Variants in BEAN1 observed in about 807,000 individuals in gnomAD.
BEAN1 encodes the protein brain expressed associated with NEDD4 1.
BEAN1 carries 17 observed loss-of-function variants against 17.7 expected under a neutral mutation model. The observed-to-expected ratio is 0.96, with a 90% CI of 0.66 to 1.44. The LOEUF is 1.44. Among genes scored for constraint, BEAN1 ranks in the 40% most tolerant of loss-of-function variants. The pLI, the probability that BEAN1 is intolerant of heterozygous loss-of-function variation, is 0.00. For missense variants in BEAN1, 359 were observed against 374.1 expected, an observed-to-expected ratio of 0.96 and a Z score of 0.33; for synonymous variants, 142 against 151.8, an observed-to-expected ratio of 0.94 and a Z score of 0.47.
Position 66,477,564 on chromosome 16 carries a change from G to A in BEAN1, c.294G>A (p.Ser98=), listed in dbSNP as rs912067425. 22 of 1,541,920 alleles carry A rather than the reference G, an allele frequency of 1.4e-5. No homozygotes were observed. Among genetic ancestry groups the A allele is most frequent in the African/African-American group, 5.5e-5 (4 of 72,902 alleles). ...RHREYEHGYV[S]DEHTYSRSSR... is the part of the protein sequence containing the mutation. Reference sequence around the variant, plus strand: ...CCGGTGGTCTGTTCCCTGCAGTGTCGGACGAGCACACATACAGCCGCTCAA... The same window carrying A: ...CCGGTGGTCTGTTCCCTGCAGTGTCAGACGAGCACACATACAGCCGCTCAA... The change falls in exon 4 of 5, where the codon TCG becomes TCA. Residue 98 remains serine (S), a synonymous_variant. Coordinates refer to ENST00000536005, the MANE Select transcript of BEAN1 (RefSeq NM_001178020.3).
chr16:66,464,341 A>AT (rs369026974), intron 2 of BEAN1, among the ~76,000 whole-genome samples: 288 of 146,448 alleles, frequency 2.0e-3, no homozygotes, highest in African/African-American at 5.9e-3. Flanking sequence ...TAAGTTTTGT[A>AT]TTTTTTTTTT....
chr16:66,469,549 A>AG, intron 2 of BEAN1, 53 bp from the exon 3 acceptor site: 1 of 1,476,730 alleles, frequency 6.8e-7, no homozygotes, highest in South Asian at 1.3e-5. Flanking sequence ...CAGAGAAGGA[A>AG]GGGGTGTGGC....
At chr16:66,488,537 A>AC (rs1964121456) in intron 4 of BEAN1, among the ~76,000 whole-genome samples, 1 of 148,742 alleles carries the variant, frequency 6.7e-6, no homozygotes, top group Non-Finnish European at 1.5e-5. Flanking sequence ...AAAAAAAAAA[A>AC]AAACTGTTTT....
downstream of BEAN1, among the ~76,000 whole-genome samples, chr16:66,494,178 G>A (rs1964216274): frequency 6.6e-6 from 1 of 152,226 alleles, no homozygotes; most frequent in African/African-American, 2.4e-5. Flanking sequence ...CCACCAGGAG[G>A]TGACTGCTGG....
chr16:66,492,870 G>A lies in BEAN1; in HGVS notation c.148-92G>A, dbSNP rs140716258. 250 of 617,442 alleles carry A rather than the reference G, an allele frequency of 4.0e-4. 1 individual carries two copies. The highest frequency in any genetic ancestry group is 3.8e-3 in the African/African-American group (206 of 54,450). The allele number at this position is 617,442 out of a possible 1,614,324, so 38.2% of individuals were successfully genotyped here. On this transcript the variant is annotated intron_variant, in intron 4 of 4. Transcript: ENST00000561796. Reference sequence around the variant, plus strand: ...TTCTCAGGAGCCCCTGGTGTCCCTCGGCACCAGCCCTTGGTCCTGCCTGGC... The same window carrying A: ...TTCTCAGGAGCCCCTGGTGTCCCTCAGCACCAGCCCTTGGTCCTGCCTGGC...
chr16:66,440,891 A>T (rs1962230542), intron 2 of BEAN1, among the ~76,000 whole-genome samples: 1 of 152,124 alleles, frequency 6.6e-6, no homozygotes, highest in African/African-American at 2.4e-5. Context: ...CAAGTCAGAA[A>T]TCTGGAAATG....
At position 66,469,949 on chromosome 16, in the gene BEAN1, G is replaced by T; in HGVS notation, c.289+84G>T. The T allele has an allele frequency of 2.7e-6, 4 of 1,473,184 alleles. No homozygotes were observed. In the South Asian group the frequency reaches 5.3e-5, roughly 19 times the overall value. 91.3% of individuals were successfully genotyped at this position (1,473,184 alleles called of 1,614,324 possible). ...GAGGCATCAAGGAGTTGGCAACTCT[G>T]CCCTGGGTGGAGCAGGGTGGTCGGG... On this transcript the variant is annotated intron_variant, in intron 3 of 4. Transcript: ENST00000536005.
At chr16:66,450,655 C>T (rs561753268) in intron 2 of BEAN1, among the ~76,000 whole-genome samples, 5 of 152,006 alleles carry the variant, frequency 3.3e-5, no homozygotes, top group East Asian at 1.9e-4. Flanking sequence ...GAGTTCAAGG[C>T]GGCAGTGAGC....
At chr16:66,459,653 C>A (rs74026538) in intron 2 of BEAN1, among the ~76,000 whole-genome samples, 5,378 of 152,172 alleles carry the variant, frequency 0.035, 360 homozygotes, top group African/African-American at 0.12. Flanking sequence ...ACCTTGAAGA[C>A]CCCTCACGGT....
At chr16:66,463,960 C>T (rs1963176711) in intron 2 of BEAN1, among the ~76,000 whole-genome samples, 1 of 152,208 alleles carries the variant, frequency 6.6e-6, no homozygotes, top group Non-Finnish European at 1.5e-5. Flanking sequence ...TGTTTCTCAA[C>T]TCTCAATTCT....
chr16:66,434,493 C>T lies in BEAN1; in HGVS notation c.-82-3102C>T, dbSNP rs1286538365. On this transcript the variant is annotated intron_variant, in intron 1 of 4. Transcript: ENST00000536005. The surrounding 1 kb of genome is among the most constrained non-coding windows in gnomAD (Gnocchi z 4.3). ...GGGGAAGGGAGAAGGAAACAGGCAG[C>T]CAGGCTGAAAGTCCAGCTCCTATTT... Among the ~76,000 whole-genome samples the T allele has an allele frequency of 6.6e-6, 1 of 152,148 alleles. No individual in the cohort carries two copies. The highest frequency in any genetic ancestry group is 1.5e-5 in the Non-Finnish European group (1 of 68,020).
At chr16:66,440,243 A>G (rs1284657692) in intron 2 of BEAN1, among the ~76,000 whole-genome samples, 1 of 146,418 alleles carries the variant, frequency 6.8e-6, no homozygotes, top group East Asian at 2.0e-4. Flanking sequence ...GATTCTCCTG[A>G]CTCAGCCTCC....
chr16:66,489,975 C>T (rs560841810), intron 4 of BEAN1, among the ~76,000 whole-genome samples: 12 of 152,022 alleles, frequency 7.9e-5, no homozygotes, highest in South Asian at 2.1e-4. Flanking sequence ...CCAGCTGTGA[C>T]GAGCCCAGGT....
rs969708559 is a variant in BEAN1, at chr16:66,434,922, C to T, written c.-82-2673C>T. Among the ~76,000 whole-genome samples, 1 of 152,120 alleles carries T rather than the reference C, an allele frequency of 6.6e-6. No homozygotes were observed. The highest frequency in any genetic ancestry group is 1.5e-5 in the Non-Finnish European group (1 of 68,030). ...GTTTGCAGAGGCCACACTGACCCTC[C>T]ATGCCCTCGAGGAGCTACTGGTCTA... On this transcript the variant is annotated intron_variant, in intron 1 of 4. Transcript: ENST00000536005. This position sits in a 1 kb window ranked among gnomAD's most constrained non-coding sequence, Gnocchi z 4.3.
At chr16:66,494,704 G>C (rs886564221), downstream of BEAN1, among the ~76,000 whole-genome samples, 1 of 152,134 alleles carries the variant, frequency 6.6e-6, no homozygotes, top group African/African-American at 2.4e-5. Flanking sequence ...CTTTTCTTTC[G>C]GCTAATTTGT....
At chr16:66,433,642 G>A (rs1307306377) in intron 1 of BEAN1, among the ~76,000 whole-genome samples, 1 of 152,128 alleles carries the variant, frequency 6.6e-6, no homozygotes, top group Non-Finnish European at 1.5e-5. Context: ...CACCTCATCG[G>A]GCCCCTTATT....
intron 2 of BEAN1, among the ~76,000 whole-genome samples, chr16:66,456,791 T>C (rs548027882): frequency 6.6e-6 from 1 of 152,356 alleles, no homozygotes; most frequent in Admixed American, 6.5e-5. Context: ...GATGACAAGG[T>C]GGTAAACTTA....
intron 2 of BEAN1, among the ~76,000 whole-genome samples, chr16:66,464,981 T>C (rs548252680): frequency 7.2e-5 from 11 of 152,346 alleles, no homozygotes; most frequent in African/African-American, 2.4e-4. Flanking sequence ...ACCCTGATCA[T>C]AGGGAGAAGG....
chr16:66,465,031 T>G (rs895623288), intron 2 of BEAN1, among the ~76,000 whole-genome samples: 1 of 152,194 alleles, frequency 6.6e-6, no homozygotes, highest in African/African-American at 2.4e-5. Context: ...TATCTGTGAG[T>G]CTTTCATAAA....
Sources: allele counts gnomAD v4.1 joint callset (sites outside exome capture counted in the v4.1 genomes callset), GRCh38; gene constraint gnomAD v4.1.1; non-coding constraint Gnocchi (gnomAD v3.1); transcripts MANE v1.5; gene names NCBI Gene and HGNC (gene_info 2026-07-23, HGNC 2026-07-21).